Variants in KCNIP1 observed in about 807,000 individuals in gnomAD.
KCNIP1 encodes potassium voltage-gated channel interacting protein 1, also known as A-type potassium channel modulatory protein KCNIP1.
A neutral mutation model predicts 33.0 loss-of-function variants in KCNIP1; 18 were observed. The ratio of observed to expected loss-of-function variants is 0.55; its 90% CI spans 0.38 to 0.81. The LOEUF (loss-of-function observed/expected upper bound fraction) is 0.81. KCNIP1 is among the 30% of genes least tolerant of loss of function. The probability of loss-of-function intolerance (pLI) is 0.00; values close to 1 mark genes in which losing one functional copy is unlikely to be tolerated. For synonymous variants in KCNIP1, 93 were observed against 98.3 expected, an observed-to-expected ratio of 0.95 and a Z score of 0.32; for missense variants, 238 against 271.6, an observed-to-expected ratio of 0.88 and a Z score of 0.87.
intron 1 of KCNIP1, among the ~76,000 whole-genome samples, chr5:170,507,863 C>A (rs1194664715): frequency 1.3e-5 from 2 of 152,172 alleles, no homozygotes; most frequent in Non-Finnish European, 2.9e-5. Flanking sequence ...TGTTTGGGAT[C>A]TTTGTGTGTC....
intron 1 of KCNIP1, among the ~76,000 whole-genome samples, chr5:170,651,470 CTCAAA>C (rs1761041177): frequency 6.6e-6 from 1 of 152,048 alleles, no homozygotes; most frequent in Non-Finnish European, 1.5e-5. Flanking sequence ...TATATCTGAC[CTCAAA>C]CCAAGACTGT....
chr5:170,397,189 T>C (rs946180575), intron 1 of KCNIP1, among the ~76,000 whole-genome samples: 1 of 152,130 alleles, frequency 6.6e-6, no homozygotes, highest in Non-Finnish European at 1.5e-5. Context: ...GTTTTTCAGG[T>C]TTCTTTGAAA....
chr5:170,631,600 G>C (rs1182118965), intron 1 of KCNIP1, among the ~76,000 whole-genome samples: 2 of 152,240 alleles, frequency 1.3e-5, no homozygotes, highest in African/African-American at 4.8e-5. Context: ...CCACAGCACA[G>C]AGCCACCAGG....
chr5:170,651,487 T>C (rs993581399), intron 1 of KCNIP1, among the ~76,000 whole-genome samples: 1 of 152,108 alleles, frequency 6.6e-6, no homozygotes, highest in Non-Finnish European at 1.5e-5. Flanking sequence ...CAAGACTGTC[T>C]CCACAGTGAA....
At chr5:170,502,137 G>A (rs939625540), upstream of KCNIP1, among the ~76,000 whole-genome samples, 1 of 152,214 alleles carries the variant, frequency 6.6e-6, no homozygotes, top group African/African-American at 2.4e-5. Flanking sequence ...CACAAGGTAA[G>A]CCTCAATTTC....
intron 1 of KCNIP1, among the ~76,000 whole-genome samples, chr5:170,491,174 T>G (rs1436746057): frequency 6.8e-6 from 1 of 147,262 alleles, no homozygotes; most frequent in Non-Finnish European, 1.5e-5. Flanking sequence ...AGAGAAAATG[T>G]TATCTTGGTC....
chr5:170,680,867 C>T, intron 1 of KCNIP1: 1 of 389,286 alleles, frequency 2.6e-6, no homozygotes. Flanking sequence ...TACTATGAAA[C>T]ATAGAGATTA....
intron 1 of KCNIP1, among the ~76,000 whole-genome samples, chr5:170,552,792 A>G (rs1323096311): frequency 1.3e-5 from 2 of 152,218 alleles, no homozygotes; most frequent in Non-Finnish European, 2.9e-5. Context: ...GATGCTTCCC[A>G]AGTTCAGCCG....
intron 1 of KCNIP1, among the ~76,000 whole-genome samples, chr5:170,364,069 C>G (rs1763589880): frequency 6.6e-6 from 1 of 150,914 alleles, no homozygotes; most frequent in African/African-American, 2.4e-5. Flanking sequence ...GCTGTCATCA[C>G]AGCGCACTGC....
At chr5:170,389,626 TTCTC>T (rs1244105248) in intron 1 of KCNIP1, 1 of 152,154 alleles carries the variant, frequency 6.6e-6, no homozygotes. Context: ...ATATTTCTTC[TTCTC>T]TCTGTCTCTG....
intron 1 of KCNIP1, among the ~76,000 whole-genome samples, chr5:170,505,822 T>C (rs73313431): frequency 0.048 from 7,269 of 152,248 alleles, 551 homozygotes; most frequent in African/African-American, 0.16. Context: ...TGGGTGCAGA[T>C]CTTAGGTGCT....
At chr5:170,500,399 T>C (rs536889075), upstream of KCNIP1, among the ~76,000 whole-genome samples, 4 of 151,846 alleles carry the variant, frequency 2.6e-5, no homozygotes, top group Admixed American at 6.6e-5. Flanking sequence ...CCTTCCAGAG[T>C]AAAGGGAGCA....
intron 1 of KCNIP1, among the ~76,000 whole-genome samples, chr5:170,705,341 A>G (rs1267030288): frequency 1.3e-5 from 2 of 152,206 alleles, no homozygotes; most frequent in Non-Finnish European, 2.9e-5. Context: ...ACATTCTCAG[A>G]TGAACTGACT....
At chr5:170,606,204 T>C (rs2113602691) in intron 1 of KCNIP1, among the ~76,000 whole-genome samples, 1 of 152,364 alleles carries the variant, frequency 6.6e-6, no homozygotes, top group South Asian at 2.1e-4. Flanking sequence ...CTGCTATAAA[T>C]ATTCATGTAC....
chr5:170,470,307 C>A (rs1581221033), intron 1 of KCNIP1, among the ~76,000 whole-genome samples: 1 of 152,148 alleles, frequency 6.6e-6, no homozygotes, highest in Admixed American at 6.5e-5. Flanking sequence ...TCTGGGCTTC[C>A]CTCTGCCCCA....
intron 1 of KCNIP1, among the ~76,000 whole-genome samples, chr5:170,494,579 C>T (rs1757273573): frequency 6.6e-6 from 1 of 152,168 alleles, no homozygotes; most frequent in South Asian, 2.1e-4. Context: ...CTGCTTCATC[C>T]TTTTCCCTCC....
chr5:170,712,922 C>T (rs1763506789), intron 1 of KCNIP1: 1 of 1,565,988 alleles, frequency 6.4e-7, no homozygotes, highest in Non-Finnish European at 8.8e-7. Flanking sequence ...ACTTTGGTCA[C>T]ATGACTTGCA....
intron 1 of KCNIP1, chr5:170,486,206 C>T (rs996880181): frequency 1.3e-5 from 2 of 152,174 alleles, no homozygotes; most frequent in African/African-American, 4.8e-5. Flanking sequence ...CTAACACAGC[C>T]GGAGGTGGGG....
intron 1 of KCNIP1, among the ~76,000 whole-genome samples, chr5:170,360,240 C>T (rs548483604): frequency 5.9e-5 from 9 of 152,318 alleles, no homozygotes; most frequent in South Asian, 2.1e-4. Flanking sequence ...AAAGCCTTTG[C>T]TTCCCAAGGG....
Sources: allele counts gnomAD v4.1 joint callset (sites outside exome capture counted in the v4.1 genomes callset), GRCh38; gene constraint gnomAD v4.1.1; transcripts MANE v1.5; gene names NCBI Gene and HGNC (gene_info 2026-07-23, HGNC 2026-07-21).